The following GRIN2B variants were observed in gnomAD, a reference collection of about 807,000 sequenced individuals.
The protein encoded by GRIN2B is glutamate ionotropic receptor NMDA type subunit 2B.
In GRIN2B, 5 loss-of-function variants were observed where a neutral mutation model predicts 114.5. The observed-to-expected ratio is 0.04, with a 90% CI of 0.02 to 0.09. The LOEUF is 0.09. Ranked by LOEUF, GRIN2B falls within the 10% of genes least tolerant of loss-of-function variation. The pLI, the probability that GRIN2B is intolerant of heterozygous loss-of-function variation, is 1.00. For missense variants in GRIN2B, 1,108 were observed against 1,943.5 expected (o/e 0.57, Z 8.08); for synonymous variants, 787 against 745.1 (o/e 1.06, Z -0.92).
rs368491964 is a variant in GRIN2B, at chr12:13,556,955, A to G, written c.*5828T>C. On this transcript the variant is annotated 3_prime_UTR_variant, in exon 14 of 14. Transcript: ENST00000609686. ...AACAAAATTCTTTTTTCTTGCTTCA[A>G]TATTGTAAATGAGAAGCCCTAAACG... 5.3e-5 allele frequency: 8 copies of G among 152,306 alleles called. No homozygotes were observed. The South Asian group carries it at 8.3e-4, about 16-fold the overall frequency. 9.4% of individuals were successfully genotyped at this position (152,306 alleles called of 1,614,324 possible).
At chr12:13,726,603 C>G (rs531282768) in intron 4 of GRIN2B, among the ~76,000 whole-genome samples, 1 of 145,640 alleles carries the variant, frequency 6.9e-6, no homozygotes, top group Non-Finnish European at 1.5e-5. Flanking sequence ...AACATTTACT[C>G]AAGCCACATA....
At chr12:13,613,218 C>T (rs1313437860) in intron 8 of GRIN2B, among the ~76,000 whole-genome samples, 1 of 152,176 alleles carries the variant, frequency 6.6e-6, no homozygotes, top group East Asian at 1.9e-4. Context: ...CCCTGATTTC[C>T]CTTTTGTCTA....
At chr12:13,630,778 CT>C (rs1360764652) in intron 5 of GRIN2B, among the ~76,000 whole-genome samples, 2 of 152,152 alleles carry the variant, frequency 1.3e-5, no homozygotes, top group Non-Finnish European at 2.9e-5. Flanking sequence ...AAAATGATGG[CT>C]GTTTCAGGCC....
At chr12:13,782,073 A>G (rs1210587600) in intron 3 of GRIN2B, among the ~76,000 whole-genome samples, 1 of 152,210 alleles carries the variant, frequency 6.6e-6, no homozygotes, top group African/African-American at 2.4e-5. Context: ...AATTATGTCA[A>G]CAGAGTTATG....
At chr12:13,867,181 T>C (rs1865841637) in intron 2 of GRIN2B, among the ~76,000 whole-genome samples, 1 of 152,234 alleles carries the variant, frequency 6.6e-6, no homozygotes, top group Non-Finnish European at 1.5e-5. Context: ...TTCCTTTTTT[T>C]TTCCTGATGC....
At chr12:13,842,939 T>A (rs953995412) in intron 3 of GRIN2B, among the ~76,000 whole-genome samples, 6 of 146,382 alleles carry the variant, frequency 4.1e-5, no homozygotes, top group Non-Finnish European at 6.0e-5. Flanking sequence ...TTTTTTTTTT[T>A]AGAAAATCTT....
intron 3 of GRIN2B, among the ~76,000 whole-genome samples, chr12:13,798,445 C>T (rs973660329): frequency 1.3e-5 from 2 of 152,094 alleles, no homozygotes; most frequent in Non-Finnish European, 2.9e-5. Flanking sequence ...TCAGTTTCTG[C>T]TAATTTTTTC....
chr12:13,806,983 G>A (rs765863531), intron 3 of GRIN2B, among the ~76,000 whole-genome samples: 17 of 151,802 alleles, frequency 1.1e-4, no homozygotes, highest in Non-Finnish European at 2.4e-4. Context: ...TGCCATGACA[G>A]GGCAAGACTC....
At chr12:13,710,334 T>C (rs976859673) in intron 4 of GRIN2B, among the ~76,000 whole-genome samples, 3 of 152,054 alleles carry the variant, frequency 2.0e-5, no homozygotes, top group African/African-American at 7.2e-5. Flanking sequence ...AGGGATACCC[T>C]CTCTCACCGC....
At position 13,564,294 on chromosome 12, in the gene GRIN2B, G is replaced by T; in HGVS notation, c.2944C>A (p.Gln982Lys). 1 of 1,614,184 alleles carries T rather than the reference G, an allele frequency of 6.2e-7. No homozygotes were observed. Among genetic ancestry groups the T allele is most frequent in the Non-Finnish European group, 8.5e-7 (1 of 1,180,026 alleles). ...CGGTGGTGATGGTGGTAGTGATCTT[G>T]GTACACGTTGCTGTCCTTCAGCTGC... ...NLQLKDSNVY[Q>K]DHYHHHHRPH... The change falls in exon 14 of 14, where the codon CAA becomes AAA. Residue 982 changes from glutamine to lysine, a missense_variant. This residue lies in a region of GRIN2B where 140 missense variants were observed against 187.5 expected (regional missense o/e 0.75). Transcript: ENST00000609686. This position sits in a 1 kb window ranked among gnomAD's most constrained non-coding sequence, Gnocchi z 4.8.
chr12:13,879,807 T>A (rs563050351), intron 2 of GRIN2B, among the ~76,000 whole-genome samples: 28 of 152,380 alleles, frequency 1.8e-4, no homozygotes, highest in Non-Finnish European at 3.8e-4. Flanking sequence ...CGGACACAGC[T>A]GCAGGCCAGG....
intron 3 of GRIN2B, among the ~76,000 whole-genome samples, chr12:13,794,232 AAAG>A (rs1864375712): frequency 6.6e-6 from 1 of 151,078 alleles, no homozygotes; most frequent in Non-Finnish European, 1.5e-5. Context: ...AAGAAAAAGA[AAAG>A]AAAAAAAGAA....
chr12:13,869,222 T>C (rs959372397), intron 2 of GRIN2B, among the ~76,000 whole-genome samples: 3 of 148,376 alleles, frequency 2.0e-5, no homozygotes, highest in Non-Finnish European at 4.5e-5. Flanking sequence ...AGAGAACTTT[T>C]TTCTTTTTCT....
intron 5 of GRIN2B, among the ~76,000 whole-genome samples, chr12:13,637,860 G>A (rs1419218917): frequency 2.0e-5 from 3 of 152,002 alleles, no homozygotes; most frequent in Non-Finnish European, 4.4e-5. Context: ...TAAGGCCCAG[G>A]CTTTACTTAT....
chr12:13,755,514 A>T (rs1863561384), intron 3 of GRIN2B, among the ~76,000 whole-genome samples: 1 of 152,232 alleles, frequency 6.6e-6, no homozygotes, highest in Non-Finnish European at 1.5e-5. Flanking sequence ...TTAAAGATAC[A>T]GTTGAAGAGG....
intron 11 of GRIN2B, among the ~76,000 whole-genome samples, chr12:13,570,960 AC>A (rs1273114553): frequency 6.6e-6 from 1 of 152,238 alleles, no homozygotes; most frequent in East Asian, 1.9e-4. Context: ...CAGTGGTCAG[AC>A]TACCCAAAGT....
rs777288719 is a variant in GRIN2B, at chr12:13,564,508, G to A, written c.2730C>T (p.Asn910=). ...RLLRTAKNMA[N]LSGVNGSPQS... The stretch of plus-strand genomic sequence containing the variant: ...GCGGTGAGCCATTCACACCAGACAG[G>A]TTAGCCATGTTCTTGGCCGTGCGCA... Residue 910 remains asparagine (N), a synonymous_variant, in exon 14 of 14, where the codon AAC becomes AAT. Transcript: ENST00000609686. The surrounding 1 kb of genome is among the most constrained non-coding windows in gnomAD (Gnocchi z 4.8). The A allele has an allele frequency of 6.8e-6, 11 of 1,614,086 alleles. No individual in the cohort carries two copies. Among genetic ancestry groups the A allele is most frequent in the Admixed American group, 1.7e-5 (1 of 60,010 alleles).
intron 10 of GRIN2B, among the ~76,000 whole-genome samples, chr12:13,576,804 C>T (rs956337655): frequency 3.9e-5 from 6 of 152,284 alleles, no homozygotes; most frequent in Admixed American, 6.5e-5. Context: ...CCGCTCTGCT[C>T]GGCCTCCCAA....
At position 13,689,695 on chromosome 12, in the gene GRIN2B, G is replaced by A. The variant is rs111769896; in HGVS notation, c.1011-13836C>T. 1.8e-4 allele frequency among the ~76,000 whole-genome samples: 28 copies of A among 152,134 alleles called. 1 individual carries two copies. Among genetic ancestry groups the A allele is most frequent in the African/African-American group, 5.1e-4 (21 of 41,488 alleles). ...TTGCTCAAACATCTCCAATGGCTCC[G>A]CACTGCCTAGAGCCAAAGTCTGCTC... On this transcript the variant is annotated intron_variant, in intron 4 of 13. Transcript: ENST00000609686.
Sources: allele counts gnomAD v4.1 joint callset (sites outside exome capture counted in the v4.1 genomes callset), GRCh38; gene constraint gnomAD v4.1.1; regional missense constraint gnomAD v4.1.1; non-coding constraint Gnocchi (gnomAD v3.1); transcripts MANE v1.5; gene names NCBI Gene and HGNC (gene_info 2026-07-23, HGNC 2026-07-21).